The following VPS33B variants were observed in gnomAD, a reference collection of about 807,000 sequenced individuals.
The protein encoded by VPS33B is VPS33B late endosome and lysosome associated.
VPS33B carries 80 observed loss-of-function variants against 95.3 expected under a neutral mutation model. That is an observed-to-expected ratio of 0.84 (90% CI 0.70 to 1.01). The LOEUF (loss-of-function observed/expected upper bound fraction) is 1.01. Among genes scored for constraint, VPS33B ranks in the 50% least tolerant of loss-of-function variants. VPS33B has a pLI of 0.00. For synonymous variants in VPS33B, 280 were observed against 280.4 expected (o/e 1.00, Z 0.01); for missense variants, 715 against 773.4 (o/e 0.92, Z 0.90).
Position 91,006,575 on chromosome 15 carries a change from A to G in VPS33B, c.778+77T>C, listed in dbSNP as rs779906252. The G allele has an allele frequency of 2.5e-6, 4 of 1,607,994 alleles. No individual in the cohort carries two copies. The highest frequency in any genetic ancestry group is 2.2e-5 in the East Asian group (1 of 44,856). ...ATTCAGGGTCTGGGTCTCTCCCACA[A>G]ACCCTGCCCCACGTGGGAGGTGCCA... On this transcript the variant is annotated intron_variant, in intron 10 of 22. Coordinates refer to ENST00000333371, the MANE Select transcript of VPS33B (RefSeq NM_018668.5). The surrounding 1 kb of genome is among the most constrained non-coding windows in gnomAD (Gnocchi z 5.4).
Position 91,000,988 on chromosome 15 carries a change from A to G in VPS33B, c.1480-397T>C, listed in dbSNP as rs771722838. The G allele has an allele frequency of 5.2e-5, 18 of 347,752 alleles. No individual in the cohort carries two copies. The highest frequency in any genetic ancestry group is 3.0e-4 in the Admixed American group (7 of 22,988). 21.5% of individuals were successfully genotyped at this position (347,752 alleles called of 1,614,324 possible). The stretch of plus-strand genomic sequence containing the variant: ...ACCAAACAAAAGAATCTTTATACAC[A>G]TGAAATGACAAAAAGGTTTTTGTGG... On this transcript the variant is annotated intron_variant, in intron 19 of 22. Coordinates refer to ENST00000333371, the MANE Select transcript of VPS33B (RefSeq NM_018668.5). The surrounding 1 kb of genome is among the most constrained non-coding windows in gnomAD (Gnocchi z 4.9).
chr15:91,007,340 C>A lies in VPS33B; in HGVS notation c.603+129G>T. The A allele has an allele frequency of 2.1e-6, 2 of 967,390 alleles. No homozygotes were observed. The highest frequency in any genetic ancestry group is 1.3e-5 in the South Asian group (1 of 74,720). 59.9% of individuals were successfully genotyped at this position (967,390 alleles called of 1,614,324 possible). Reference sequence around the variant, plus strand: ...CACACAAGTTCTCCTCTCTGAGGATCTATTCCAGAACAATGAAAGCAAAGT... The same window carrying A: ...CACACAAGTTCTCCTCTCTGAGGATATATTCCAGAACAATGAAAGCAAAGT... On this transcript the variant is annotated intron_variant, in intron 8 of 22. Coordinates refer to ENST00000333371, the MANE Select transcript of VPS33B (RefSeq NM_018668.5). This position sits in a 1 kb window ranked among gnomAD's most constrained non-coding sequence, Gnocchi z 5.3.
At chr15:91,008,879 A>C (rs1165839666) in intron 6 of VPS33B, among the ~76,000 whole-genome samples, 3 of 152,142 alleles carry the variant, frequency 2.0e-5, no homozygotes, top group Non-Finnish European at 2.9e-5. Context: ...GCAAAAAGCT[A>C]TAGGGTGGAG....
rs1461209688 is a variant in VPS33B at position 91,002,597 on chromosome 15, T to A, written c.1273-415A>T. On this transcript the variant is annotated intron_variant, in intron 17 of 22. Coordinates refer to ENST00000333371, the MANE Select transcript of VPS33B (RefSeq NM_018668.5). The surrounding 1 kb of genome is among the most constrained non-coding windows in gnomAD (Gnocchi z 4.7). ...GTGAGTGGAGATCGCGCCACTGCAC[T>A]CTAGCTTGGGCAACAGAGCGAGACA... is the stretch of plus-strand genomic sequence containing the variant. 6.8e-6 allele frequency among the ~76,000 whole-genome samples: 1 copy of A among 146,400 alleles called. No homozygotes were observed. Among genetic ancestry groups the A allele is most frequent in the Non-Finnish European group, 1.5e-5 (1 of 67,188 alleles).
rs1478474485 is a variant in VPS33B at position 90,999,136 on chromosome 15, C to T, written c.1775-82G>A. ...AACCCATAGAGCCTCTCCAGTTCCA[C>T]AGTCCCCACGGGATCACAGCACCAG... is the stretch of plus-strand genomic sequence containing the variant. On this transcript the variant is annotated intron_variant, in intron 22 of 22. Coordinates refer to ENST00000333371, the MANE Select transcript of VPS33B (RefSeq NM_018668.5). The surrounding 1 kb of genome is among the most constrained non-coding windows in gnomAD (Gnocchi z 5.1). 7.6e-7 allele frequency: 1 copy of T among 1,309,020 alleles called. No homozygotes were observed. Among genetic ancestry groups the T allele is most frequent in the Non-Finnish European group, 1.1e-6 (1 of 914,354 alleles). The allele number at this position is 1,309,020 out of a possible 1,614,324, so 81.1% of individuals were successfully genotyped here.
rs376914087 is a variant in VPS33B at position 91,009,838 on chromosome 15, C to T, written c.366G>A (p.Ala122=). Reference sequence around the variant, plus strand: ...CCTCTTCCTCAAGCACCATCTCACACGCATAGAACTGAAAGAGAAAAGGAA... The same window carrying T: ...CCTCTTCCTCAAGCACCATCTCACATGCATAGAACTGAAAGAGAAAAGGAA... ...KVIFSPQKFY[A]CEMVLEEEGI... Residue 122 remains alanine (A), a synonymous_variant, in exon 6 of 23, where the codon GCG becomes GCA. Coordinates refer to ENST00000333371, the MANE Select transcript of VPS33B (RefSeq NM_018668.5). This position sits in a 1 kb window ranked among gnomAD's most constrained non-coding sequence, Gnocchi z 4.1. 37 of 1,614,040 alleles carry T rather than the reference C, an allele frequency of 2.3e-5. No homozygotes were observed. The highest frequency in any genetic ancestry group is 8.9e-5 in the East Asian group (4 of 44,896).
intron 3 of VPS33B, 31 bp from the exon 4 acceptor site, chr15:91,014,464 A>C: frequency 6.2e-6 from 10 of 1,612,460 alleles, no homozygotes; most frequent in Non-Finnish European, 8.5e-6. Context: ...AAAACAGTGA[A>C]GAAGAATTAT....
In VPS33B at chr15:91,011,954, A is replaced by G. The variant is rs1190588355; in HGVS notation, c.357+1850T>C. Among the ~76,000 whole-genome samples the G allele has an allele frequency of 6.6e-6, 1 of 152,020 alleles. No homozygotes were observed. The highest frequency in any genetic ancestry group is 1.5e-5 in the Non-Finnish European group (1 of 68,030). The stretch of plus-strand genomic sequence containing the variant: ...CAGTGAGTCGAGATTGCGGCACTGC[A>G]CTCCAGTCTGGGTGACAGAGCAATG... On this transcript the variant is annotated intron_variant, in intron 5 of 22. Coordinates refer to ENST00000333371, the MANE Select transcript of VPS33B (RefSeq NM_018668.5). The surrounding 1 kb of genome is among the most constrained non-coding windows in gnomAD (Gnocchi z 5.5).
At position 91,008,061 on chromosome 15, in the gene VPS33B, T is replaced by C. The variant is rs2040667128; in HGVS notation, c.404-97A>G. Reference sequence around the variant, plus strand: ...CAAATATTTGAGTGCGTGCAACAAATATATGAGTGCCTGCCACATGCCAGT... The same window carrying C: ...CAAATATTTGAGTGCGTGCAACAAACATATGAGTGCCTGCCACATGCCAGT... On this transcript the variant is annotated intron_variant, in intron 6 of 22. Coordinates refer to ENST00000333371, the MANE Select transcript of VPS33B (RefSeq NM_018668.5). 4.6e-6 allele frequency: 5 copies of C among 1,090,790 alleles called. No individual in the cohort carries two copies. The South Asian group carries it at 6.3e-5, about 14-fold the overall frequency. The allele number at this position is 1,090,790 out of a possible 1,614,324, so 67.6% of individuals were successfully genotyped here.
rs538621336 is a variant in VPS33B at position 91,003,721 on chromosome 15, A to C, written c.1226-590T>G. Among the ~76,000 whole-genome samples the C allele has an allele frequency of 3.3e-5, 5 of 152,252 alleles. No individual in the cohort carries two copies. The South Asian group carries it at 1.0e-3, about 32-fold the overall frequency. On this transcript the variant is annotated intron_variant, in intron 16 of 22. Transcript: ENST00000333371. ...CCAAAGTGCTAGGATTACAGGCATG[A>C]GCCACCGCACCTGGCAGACTCATGC...
chr15:91,013,815 T>G lies in VPS33B; in HGVS notation c.346A>C (p.Ser116Arg). 2 of 1,614,182 alleles carry G rather than the reference T, an allele frequency of 1.2e-6. No individual in the cohort carries two copies. The stretch of plus-strand genomic sequence containing the variant: ...GGATCCAAACTCACCTTTTGAGGGC[T>G]GAAGATCACTTTGTATTTGCGAGTT... ...GRTRKYKVIFSPQKFYACEMV... is the reference protein window; with the variant it reads ...GRTRKYKVIFRPQKFYACEMV... Residue 116 changes from serine (S) to arginine (R), a missense_variant, in exon 5 of 23, where the codon AGC becomes CGC. Ser to Arg is a moderately radical substitution (Grantham distance 110). Transcript: ENST00000333371. This position sits in a 1 kb window ranked among gnomAD's most constrained non-coding sequence, Gnocchi z 4.5.
At position 91,018,169 on chromosome 15, in the gene VPS33B, G is replaced by A. The variant is rs1319328694; in HGVS notation, c.97-284C>T. The A allele has an allele frequency of 2.2e-6, 1 of 448,542 alleles. No individual in the cohort carries two copies. The highest frequency in any genetic ancestry group is 2.0e-5 in the African/African-American group (1 of 50,008). The allele number at this position is 448,542 out of a possible 1,614,324, so 27.8% of individuals were successfully genotyped here. ...ACCCTTCTGCTCACCTGTGACCTTG[G>A]TCTGCACCTCACTCCCCTTCTCTGC... On this transcript the variant is annotated intron_variant, in intron 1 of 22. Transcript: ENST00000333371. The surrounding 1 kb of genome is among the most constrained non-coding windows in gnomAD (Gnocchi z 4.7).
Position 91,000,151 on chromosome 15 carries a change from G to A in VPS33B, c.1582-176C>T, listed in dbSNP as rs557140826. ...TTCCAACACTTTAGGAGTTTGAGGC[G>A]GGGGGATCACCTGAGGTCAGGAGTT... On this transcript the variant is annotated intron_variant, in intron 20 of 22. Coordinates refer to ENST00000333371, the MANE Select transcript of VPS33B (RefSeq NM_018668.5). The surrounding 1 kb of genome is among the most constrained non-coding windows in gnomAD (Gnocchi z 4.9). 4.6e-5 allele frequency among the ~76,000 whole-genome samples: 7 copies of A among 152,126 alleles called. No homozygotes were observed. The highest frequency in any genetic ancestry group is 2.6e-4 in the Admixed American group (4 of 15,274).
At position 91,013,837 on chromosome 15, in the gene VPS33B, A is replaced by G. The variant is rs1488293815; in HGVS notation, c.324T>C (p.Thr108=). Reference sequence around the variant, plus strand: ...GGCTGAAGATCACTTTGTATTTGCGAGTTCGGCCAGCCAATTTGTCAGCAT... The same window carrying G: ...GGCTGAAGATCACTTTGTATTTGCGGGTTCGGCCAGCCAATTTGTCAGCAT... ...LVNADKLAGR[T]RKYKVIFSPQ... is the part of the protein sequence containing the mutation. Residue 108 remains threonine (T), a synonymous_variant, in exon 5 of 23, where the codon ACT becomes ACC. Coordinates refer to ENST00000333371, the MANE Select transcript of VPS33B (RefSeq NM_018668.5). The surrounding 1 kb of genome is among the most constrained non-coding windows in gnomAD (Gnocchi z 4.5). 6.2e-6 allele frequency: 10 copies of G among 1,614,050 alleles called. No homozygotes were observed. Among genetic ancestry groups the G allele is most frequent in the Non-Finnish European group, 7.6e-6 (9 of 1,180,018 alleles).
rs948168177 is a variant in VPS33B at position 91,000,668 on chromosome 15, T to A, written c.1480-77A>T. On this transcript the variant is annotated intron_variant, in intron 19 of 22. Coordinates refer to ENST00000333371, the MANE Select transcript of VPS33B (RefSeq NM_018668.5). The surrounding 1 kb of genome is among the most constrained non-coding windows in gnomAD (Gnocchi z 4.9). ...CTTTAAAGGGTCAGATAAAGTGGCATGGCCCAAGGAACAATTCTTATTTCA... is the reference window on the plus strand; with the variant it reads ...CTTTAAAGGGTCAGATAAAGTGGCAAGGCCCAAGGAACAATTCTTATTTCA... The A allele has an allele frequency of 1.1e-4, 145 of 1,276,326 alleles. No homozygotes were observed. Among genetic ancestry groups the A allele is most frequent in the Middle Eastern group, 1.9e-4 (1 of 5,366 alleles). The allele number at this position is 1,276,326 out of a possible 1,614,324, so 79.1% of individuals were successfully genotyped here. A position where few individuals can be genotyped will look rare whatever the true frequency, so the allele number is the denominator to read the frequency against.
In VPS33B at chr15:91,005,255, A is replaced by G. The variant is rs746757955; in HGVS notation, c.1105+125T>C. The G allele has an allele frequency of 5.6e-6, 9 of 1,611,872 alleles. No homozygotes were observed. The highest frequency in any genetic ancestry group is 7.6e-6 in the Non-Finnish European group (9 of 1,179,502). On this transcript the variant is annotated intron_variant, in intron 14 of 22. Transcript: ENST00000333371. The surrounding 1 kb of genome is among the most constrained non-coding windows in gnomAD (Gnocchi z 6.4). ...GGGACCCCCAGGACTTCTAGCAGGA[A>G]CCAGCATTCCACATAGCCAGTGTCA...
At chr15:91,017,141 C>CCTAATTATG in intron 2 of VPS33B, 117 bp from the exon 3 acceptor site, 1 of 923,736 alleles carries the variant, frequency 1.1e-6, no homozygotes, top group Non-Finnish European at 1.8e-6. Flanking sequence ...TTGAGGGCTT[C>CCTAATTATG]CTAATTATGC....
At chr15:91,020,201 C>T (rs906840785) in intron 1 of VPS33B, among the ~76,000 whole-genome samples, 2 of 152,130 alleles carry the variant, frequency 1.3e-5, no homozygotes, top group African/African-American at 4.8e-5. Flanking sequence ...TTTTTACTTT[C>T]CTTAATCTTC....
At position 91,013,760 on chromosome 15, in the gene VPS33B, G is replaced by A. The variant is rs2040844459; in HGVS notation, c.357+44C>T. ...GCCCCTTACCCCTGCCCGGTCCTCA[G>A]TCCTGTTCTACCTTATCCCACTTCC... On this transcript the variant is annotated intron_variant, in intron 5 of 22. Coordinates refer to ENST00000333371, the MANE Select transcript of VPS33B (RefSeq NM_018668.5). This position sits in a 1 kb window ranked among gnomAD's most constrained non-coding sequence, Gnocchi z 4.5. The A allele has an allele frequency of 6.2e-7, 1 of 1,610,432 alleles. No individual in the cohort carries two copies. Among genetic ancestry groups the A allele is most frequent in the Non-Finnish European group, 8.5e-7 (1 of 1,176,802 alleles).
Sources: gnomAD v4.1 joint callset for allele counts (sites outside exome capture counted in the v4.1 genomes callset) on GRCh38, gnomAD v4.1.1 for gene constraint, Gnocchi (gnomAD v3.1) non-coding constraint, MANE v1.5 for transcripts, NCBI Gene and HGNC (gene_info 2026-07-23, HGNC 2026-07-21) for gene names.